Variants in KY observed in about 807,000 individuals in gnomAD.
The protein encoded by KY is kyphoscoliosis peptidase.
A neutral mutation model predicts 76.1 loss-of-function variants in KY; 43 were observed. The ratio of observed to expected loss-of-function variants is 0.57; its 90% CI spans 0.44 to 0.73. The LOEUF is 0.73. Among genes scored for constraint, KY ranks in the 30% least tolerant of loss-of-function variants. KY has a pLI of 0.00. For missense variants in KY, 722 were observed against 828.9 expected (o/e 0.87, Z 1.58); for synonymous variants, 277 against 326.2 (o/e 0.85, Z 1.63).
chr3:134,610,326 C>A lies in KY; in HGVS notation c.768G>T (p.Gln256His), dbSNP rs368846756. 7.4e-6 allele frequency: 12 copies of A among 1,613,700 alleles called. No homozygotes were observed. In the African/African-American group the frequency reaches 1.6e-4, roughly 22 times the overall value. Residue 256 changes from glutamine to histidine, a missense_variant, in exon 9 of 11, where the codon CAG (glutamine) becomes CAT (histidine). This residue lies in a region of KY where 552 missense variants were observed against 680.9 expected (regional missense o/e 0.81). Coordinates refer to ENST00000423778, the MANE Select transcript of KY (RefSeq NM_178554.6). ...ACTCCCCCGAGAAGCTCTGCCCTGT[C>A]TGGTAGCCGAAACCCTTGGAGTAGC... is the stretch of plus-strand genomic sequence containing the variant. ...VPGYSKGFGY[Q>H]TGQSFSGEFD...
At chr3:134,643,072 C>T (rs371871258) in intron 3 of KY, among the ~76,000 whole-genome samples, 5 of 152,168 alleles carry the variant, frequency 3.3e-5, no homozygotes, top group Admixed American at 6.5e-5. Context: ...ATGACAGCAG[C>T]GTGCTCTGAG....
intron 6 of KY, among the ~76,000 whole-genome samples, chr3:134,623,492 CCTT>C (rs1028895989): frequency 1.1e-4 from 16 of 152,102 alleles, no homozygotes; most frequent in Non-Finnish European, 1.9e-4. Flanking sequence ...TCAATGGCCT[CCTT>C]CTCGTATGTC....
chr3:134,626,899 C>G (rs1239256655), intron 5 of KY, among the ~76,000 whole-genome samples: 1 of 152,236 alleles, frequency 6.6e-6, no homozygotes, highest in African/African-American at 2.4e-5. Flanking sequence ...CCCTCTTGCT[C>G]TGCAGAATCT....
chr3:134,620,208 G>A (rs1240032327), intron 7 of KY, among the ~76,000 whole-genome samples: 1 of 152,154 alleles, frequency 6.6e-6, no homozygotes, highest in Non-Finnish European at 1.5e-5. Context: ...AGAGCTGTGG[G>A]CAGCTGCATA....
rs114157329 is a variant in KY at position 134,609,654 on chromosome 3, C to T, written c.899+541G>A. On this transcript the variant is annotated intron_variant, in intron 9 of 10. Transcript: ENST00000423778. Reference sequence around the variant, plus strand: ...AGGACAGAAATGCTCCAGTCCTCTGCACCCCGGCTGCCCTGCCCCACTGTG... The same window carrying T: ...AGGACAGAAATGCTCCAGTCCTCTGTACCCCGGCTGCCCTGCCCCACTGTG... Among the ~76,000 whole-genome samples the T allele has an allele frequency of 8.4e-3, 1,273 of 152,312 alleles. 24 individuals carry two copies. The highest frequency in any genetic ancestry group is 0.029 in the African/African-American group (1,214 of 41,564).
chr3:134,628,107 T>C lies in KY; in HGVS notation c.338-289A>G, dbSNP rs75508580. On this transcript the variant is annotated intron_variant, in intron 4 of 10. Transcript: ENST00000423778. ...CTGACCTAACACTTTGGGTGATTCA[T>C]TGGGTCCTCCTGGAACCTGGTGTTC... 11 of 432,468 alleles carry C rather than the reference T, an allele frequency of 2.5e-5. No individual in the cohort carries two copies. The East Asian group carries it at 2.8e-4, about 11-fold the overall frequency. The allele number at this position is 432,468 out of a possible 1,614,324, so 26.8% of individuals were successfully genotyped here. A position where few individuals can be genotyped will look rare whatever the true frequency, so the allele number is the denominator to read the frequency against.
chr3:134,626,571 C>T (rs530414247), intron 5 of KY, among the ~76,000 whole-genome samples: 62 of 152,290 alleles, frequency 4.1e-4, no homozygotes, highest in African/African-American at 1.2e-3. Flanking sequence ...TTTGCCCACA[C>T]GTCGTCAGGG....
intron 10 of KY, among the ~76,000 whole-genome samples, chr3:134,605,225 A>G (rs919485288): frequency 6.6e-6 from 1 of 151,960 alleles, no homozygotes; most frequent in Non-Finnish European, 1.5e-5. Context: ...GCCCATGAGG[A>G]CCCACCTGCC....
rs777346139 is a variant in KY, at chr3:134,625,098, G to A, written c.438C>T (p.Ser146=). Residue 146 remains serine, a synonymous_variant, in exon 6 of 11, where the codon TCC becomes TCT. Transcript: ENST00000423778. ...ATTTCTCAAACTGCTGCAGGTCCAG[G>A]GACATGGATTTCAGGCTAGATCGAT... ...PWDRSSLKSM[S]LDLQQFEKLD... is the part of the protein sequence containing the mutation. The A allele has an allele frequency of 1.2e-6, 2 of 1,603,148 alleles. No homozygotes were observed. The highest frequency in any genetic ancestry group is 1.7e-6 in the Non-Finnish European group (2 of 1,174,808).
At chr3:134,624,064 C>A (rs1963084058) in intron 6 of KY, among the ~76,000 whole-genome samples, 1 of 152,150 alleles carries the variant, frequency 6.6e-6, no homozygotes, top group Admixed American at 6.5e-5. Flanking sequence ...TAGAGCCCCT[C>A]ATATCCCAAA....
intron 6 of KY, among the ~76,000 whole-genome samples, chr3:134,621,906 T>A (rs1193166562): frequency 6.6e-6 from 1 of 152,058 alleles, no homozygotes; most frequent in Non-Finnish European, 1.5e-5. Flanking sequence ...GGCAAAGGAC[T>A]TGAACAGATA....
At chr3:134,648,730 A>ACTTCCAGCAGAAGGCC (rs1490151004) in intron 1 of KY, among the ~76,000 whole-genome samples, 1 of 152,032 alleles carries the variant, frequency 6.6e-6, no homozygotes, top group African/African-American at 2.4e-5. Flanking sequence ...CAGAAGGGCC[A>ACTTCCAGCAGAAGGCC]CTTCCAGCAG....
chr3:134,624,068 TC>T (rs1560120013), intron 6 of KY, among the ~76,000 whole-genome samples: 1 of 152,058 alleles, frequency 6.6e-6, no homozygotes, highest in East Asian at 1.9e-4. Flanking sequence ...GCCCCTCATA[TC>T]CCAAACACAC....
At chr3:134,626,167 A>G (rs1244844477) in intron 5 of KY, among the ~76,000 whole-genome samples, 1 of 152,024 alleles carries the variant, frequency 6.6e-6, no homozygotes, top group Non-Finnish European at 1.5e-5. Flanking sequence ...AGAAGTTGGG[A>G]CCAAAGAGGA....
intron 2 of KY, among the ~76,000 whole-genome samples, chr3:134,646,476 CTG>C (rs1347266474): frequency 6.6e-6 from 1 of 152,178 alleles, no homozygotes; most frequent in South Asian, 2.1e-4. Context: ...GTGTTCTTGG[CTG>C]TCTTTTTCCC....
At chr3:134,639,285 C>T (rs1226474905) in intron 3 of KY, among the ~76,000 whole-genome samples, 5 of 152,136 alleles carry the variant, frequency 3.3e-5, no homozygotes, top group Non-Finnish European at 4.4e-5. Flanking sequence ...CTCTGTAGAA[C>T]ATGATGGAAC....
At chr3:134,639,738 G>C (rs898880681) in intron 3 of KY, 1 of 151,640 alleles carries the variant, frequency 6.6e-6, no homozygotes, top group African/African-American at 2.4e-5. Context: ...TTGAGCCCAG[G>C]GGTTTGAGAC....
intron 3 of KY, among the ~76,000 whole-genome samples, chr3:134,631,811 G>A (rs1255342590): frequency 6.6e-6 from 1 of 152,072 alleles, no homozygotes; most frequent in African/African-American, 2.4e-5. Context: ...AAATAATAAA[G>A]TAGAAAACCT....
chr3:134,627,084 T>A (rs1158206324), intron 5 of KY, among the ~76,000 whole-genome samples: 1 of 152,208 alleles, frequency 6.6e-6, no homozygotes. Context: ...TTACTAGTTT[T>A]CCCCTTTCTT....
Sources: allele counts gnomAD v4.1 joint callset (sites outside exome capture counted in the v4.1 genomes callset), GRCh38; gene constraint gnomAD v4.1.1; regional missense constraint gnomAD v4.1.1; transcripts MANE v1.5; gene names NCBI Gene and HGNC (gene_info 2026-07-23, HGNC 2026-07-21).